Variants in FMN2 observed in about 807,000 individuals in gnomAD.
FMN2 encodes the protein formin-2.
FMN2 carries 51 observed loss-of-function variants against 142.3 expected under a neutral mutation model. The observed-to-expected ratio is 0.36, with a 90% CI of 0.29 to 0.45. The LOEUF (loss-of-function observed/expected upper bound fraction) is 0.45. Ranked by LOEUF, FMN2 falls within the 20% of genes least tolerant of loss-of-function variation. FMN2 has a pLI of 1.00. For synonymous variants in FMN2, 882 were observed against 869.8 expected, an observed-to-expected ratio of 1.01 and a Z score of -0.25; for missense variants, 1,936 against 2,122.8, an observed-to-expected ratio of 0.91 and a Z score of 1.73.
At chr1:240,445,479 A>G (rs933918034) in intron 16 of FMN2, among the ~76,000 whole-genome samples, 1 of 152,172 alleles carries the variant, frequency 6.6e-6, no homozygotes, top group Admixed American at 6.5e-5. Context: ...GAACAGCCCC[A>G]TGAAGGGGCA....
intron 15 of FMN2, among the ~76,000 whole-genome samples, chr1:240,397,311 G>A (rs1488497958): frequency 1.3e-5 from 2 of 152,100 alleles, no homozygotes; most frequent in Non-Finnish European, 2.9e-5. Flanking sequence ...GTTTTTGCTT[G>A]TTGATTTGTT....
intron 15 of FMN2, among the ~76,000 whole-genome samples, chr1:240,418,200 GA>G (rs1247825925): frequency 8.9e-5 from 13 of 146,190 alleles, no homozygotes; most frequent in Admixed American, 8.3e-4. Context: ...TATTTATTAT[GA>G]TTTTTTTTTT....
intron 1 of FMN2, among the ~76,000 whole-genome samples, chr1:240,112,106 GAC>G (rs1661832840): frequency 6.6e-6 from 1 of 151,582 alleles, no homozygotes; most frequent in Admixed American, 6.6e-5. Context: ...CCTTTGACAA[GAC>G]ACCTAACATC....
intron 15 of FMN2, 37 bp downstream of exon 15, chr1:240,392,599 A>T (rs1259397591): frequency 6.5e-7 from 1 of 1,535,248 alleles, no homozygotes; most frequent in African/African-American, 1.4e-5. Context: ...GAATAGCGTT[A>T]TAACATGCTA....
At chr1:240,323,666 C>T (rs958097836) in intron 8 of FMN2, among the ~76,000 whole-genome samples, 3 of 152,286 alleles carry the variant, frequency 2.0e-5, no homozygotes, top group South Asian at 4.1e-4. Context: ...TCTTCCCTTC[C>T]GTTGTTGTTC....
At chr1:240,241,676 CTG>C (rs1012641856) in intron 6 of FMN2, among the ~76,000 whole-genome samples, 3 of 152,108 alleles carry the variant, frequency 2.0e-5, no homozygotes, top group Admixed American at 6.6e-5. Context: ...TTCAACTTGA[CTG>C]TATTTAGAAA....
At chr1:240,175,195 G>T (rs1348209234) in intron 2 of FMN2, among the ~76,000 whole-genome samples, 2 of 152,086 alleles carry the variant, frequency 1.3e-5, no homozygotes, top group South Asian at 2.1e-4. Flanking sequence ...TTCCCAGTTT[G>T]TATATATATC....
chr1:240,252,018 C>T (rs1668293366), intron 6 of FMN2, among the ~76,000 whole-genome samples: 1 of 152,180 alleles, frequency 6.6e-6, no homozygotes, highest in Admixed American at 6.5e-5. Flanking sequence ...AAGCAGTTCT[C>T]CTGCCTCAGC....
chr1:240,198,648 T>G (rs114543324), intron 4 of FMN2, among the ~76,000 whole-genome samples: 132 of 152,354 alleles, frequency 8.7e-4, no homozygotes, highest in African/African-American at 3.0e-3. Flanking sequence ...TATTCTTTCT[T>G]GAAATTTCCC....
chr1:240,398,088 C>T (rs1673846531), intron 15 of FMN2, among the ~76,000 whole-genome samples: 1 of 151,890 alleles, frequency 6.6e-6, no homozygotes, highest in Non-Finnish European at 1.5e-5. Flanking sequence ...CTCCATCTGC[C>T]AGATTCAGAC....
chr1:240,243,749 G>A (rs773627029), intron 6 of FMN2, among the ~76,000 whole-genome samples: 1 of 152,196 alleles, frequency 6.6e-6, no homozygotes, highest in Admixed American at 6.5e-5. Flanking sequence ...CTTGTCCAAA[G>A]TTACATGGAT....
intron 11 of FMN2, among the ~76,000 whole-genome samples, 177 bp downstream of exon 11, chr1:240,330,926 G>A (rs892712392): frequency 1.3e-5 from 2 of 152,048 alleles, no homozygotes; most frequent in Non-Finnish European, 2.9e-5. Context: ...TGTGATTAAT[G>A]TTTCCTAAAG....
chr1:240,122,828 G>A (rs1167822104), intron 1 of FMN2, among the ~76,000 whole-genome samples: 3 of 152,088 alleles, frequency 2.0e-5, no homozygotes, highest in Non-Finnish European at 4.4e-5. Flanking sequence ...TTAGGTGGGG[G>A]GATTGCTTGA....
intron 15 of FMN2, among the ~76,000 whole-genome samples, chr1:240,423,801 A>G (rs1372191527): frequency 6.6e-6 from 1 of 152,218 alleles, no homozygotes; most frequent in Non-Finnish European, 1.5e-5. Flanking sequence ...CCTTCAACAT[A>G]AACATCACAG....
In FMN2 at chr1:240,282,190, A is replaced by G. The variant is rs149363646; in HGVS notation, c.4154-12632A>G. ...TAATAACATTACCACTGATATGTCTATTTCCCATGTGAATAAACCAAAGCT... is the reference window on the plus strand; with the variant it reads ...TAATAACATTACCACTGATATGTCTGTTTCCCATGTGAATAAACCAAAGCT... On this transcript the variant is annotated intron_variant, in intron 7 of 17. Coordinates refer to ENST00000319653, the MANE Select transcript of FMN2 (RefSeq NM_020066.5). Among the ~76,000 whole-genome samples the G allele has an allele frequency of 1.7e-4, 26 of 152,188 alleles. No homozygotes were observed. In the East Asian group the frequency reaches 4.8e-3, roughly 28 times the overall value.
rs543632249 is a variant in FMN2, at chr1:240,292,279, A to G, written c.4154-2543A>G. Among the ~76,000 whole-genome samples, 3 of 152,318 alleles carry G rather than the reference A, an allele frequency of 2.0e-5. No homozygotes were observed. The East Asian group carries it at 5.8e-4, about 29-fold the overall frequency. On this transcript the variant is annotated intron_variant, in intron 7 of 17. Coordinates refer to ENST00000319653, the MANE Select transcript of FMN2 (RefSeq NM_020066.5). ...TTCTTTGAATCTTTTTGCCACCGAA[A>G]TAAATAAATACATAAATAAGTAAGT...
chr1:240,207,841 C>T lies in FMN2; in HGVS notation c.3029C>T (p.Pro1010Leu), dbSNP rs756426957. Residue 1010 changes from proline (P) to leucine (L), a missense_variant, in exon 5 of 18, where the codon CCT (proline) becomes CTT (leucine). Pro to Leu is a moderately conservative substitution (Grantham distance 98). Coordinates refer to ENST00000319653, the MANE Select transcript of FMN2 (RefSeq NM_020066.5). ...CCACTTCCCGGAGCGGGCATACCCC[C>T]TCCTCCCCCTCTTCCCGGAGCGGGC... ...PPPLPGAGIP[P>L]PPPLPGAGIP... 2.5e-4 allele frequency: 114 copies of T among 449,580 alleles called. 1 individual carries two copies. Among genetic ancestry groups the T allele is most frequent in the East Asian group, 1.8e-3 (47 of 25,524 alleles). The allele number at this position is 449,580 out of a possible 1,614,324, so 27.8% of individuals were successfully genotyped here.
At position 240,105,140 on chromosome 1, in the gene FMN2, A is replaced by G. The variant is rs186007340; in HGVS notation, c.1615+11416A>G. On this transcript the variant is annotated intron_variant, in intron 1 of 17. Coordinates refer to ENST00000319653, the MANE Select transcript of FMN2 (RefSeq NM_020066.5). ...TTTTTTTTTTTTGAGACCGAGTCTC[A>G]CTCTGTCGCCCAGGCTGGAGTGCCG... Among the ~76,000 whole-genome samples the G allele has an allele frequency of 6.4e-3, 721 of 113,424 alleles. 2 individuals are homozygous for G. Among genetic ancestry groups the G allele is most frequent in the South Asian group, 0.034 (130 of 3,792 alleles). The allele number at this position is 113,424 out of a possible 152,430, so 74.4% of individuals were successfully genotyped here. A position where few individuals can be genotyped will look rare whatever the true frequency, so the allele number is the denominator to read the frequency against.
intron 15 of FMN2, among the ~76,000 whole-genome samples, chr1:240,433,373 C>T (rs548773973): frequency 1.1e-4 from 17 of 152,262 alleles, no homozygotes; most frequent in African/African-American, 3.6e-4. Context: ...GAAATAGATG[C>T]GCGAGGAAAA....
Sources: allele counts gnomAD v4.1 joint callset (sites outside exome capture counted in the v4.1 genomes callset), GRCh38; gene constraint gnomAD v4.1.1; transcripts MANE v1.5; gene names NCBI Gene and HGNC (gene_info 2026-07-23, HGNC 2026-07-21).